Variants in C12orf56 observed in about 807,000 individuals in gnomAD.
C12orf56 encodes chromosome 12 open reading frame 56.
Under a neutral mutation model 69.9 loss-of-function variants are expected in C12orf56, and 71 were observed. The observed-to-expected ratio is 1.02, with a 90% CI of 0.84 to 1.24. The LOEUF is 1.24. Among genes scored for constraint, C12orf56 ranks in the 50% most tolerant of loss-of-function variants. The pLI, the probability that C12orf56 is intolerant of heterozygous loss-of-function variation, is 0.00. For missense variants in C12orf56, 732 were observed against 738.5 expected (o/e 0.99, Z 0.10); for synonymous variants, 276 against 274.1 (o/e 1.01, Z -0.07).
In C12orf56 at chr12:64,368,987, G is replaced by A. The variant is rs577647856; in HGVS notation, c.253-15931C>T. On this transcript the variant is annotated intron_variant, in intron 1 of 12. Coordinates refer to ENST00000543942, the MANE Select transcript of C12orf56 (RefSeq NM_001170633.2). Reference sequence around the variant, plus strand: ...CTTCAGGCTGAAATAAAAGAACTTAGGGAGTAACTTGAATGCAAATCAAGA... The same window carrying A: ...CTTCAGGCTGAAATAAAAGAACTTAAGGAGTAACTTGAATGCAAATCAAGA... Among the ~76,000 whole-genome samples the A allele has an allele frequency of 2.6e-5, 4 of 152,140 alleles. No homozygotes were observed. In the East Asian group the frequency reaches 7.7e-4, roughly 29 times the overall value.
At chr12:64,303,133 G>T (rs2038468519) in intron 6 of C12orf56, among the ~76,000 whole-genome samples, 1 of 151,890 alleles carries the variant, frequency 6.6e-6, no homozygotes, top group Non-Finnish European at 1.5e-5. Context: ...AATTAGCTGG[G>T]CGTGGTAGTG....
Position 64,350,757 on chromosome 12 carries a change from CAG to C in C12orf56, c.415+2135_415+2136del, listed in dbSNP as rs371147954. ...GTCTTATCTGAGATTCCTTGTGGAACAGAGTTTCATCAAAACCAATCTAAAAA... is the reference window on the plus strand; with the variant it reads ...GTCTTATCTGAGATTCCTTGTGGAACAGTTTCATCAAAACCAATCTAAAAA... On this transcript the variant is annotated intron_variant, in intron 2 of 12. Coordinates refer to ENST00000543942, the MANE Select transcript of C12orf56 (RefSeq NM_001170633.2). Among the ~76,000 whole-genome samples, 325 of 152,296 alleles carry C rather than the reference CAG, an allele frequency of 2.1e-3. 1 individual carries two copies. The highest frequency in any genetic ancestry group is 7.4e-3 in the African/African-American group (309 of 41,556).
chr12:64,302,010 T>C (rs1026627355), intron 6 of C12orf56, among the ~76,000 whole-genome samples: 1 of 152,172 alleles, frequency 6.6e-6, no homozygotes. Flanking sequence ...GAACAAGCAA[T>C]CCCATACAAT....
chr12:64,288,723 A>G (rs1158557089), intron 6 of C12orf56, among the ~76,000 whole-genome samples: 3 of 142,784 alleles, frequency 2.1e-5, no homozygotes, highest in Admixed American at 7.1e-5. Context: ...CTGTTTTGGT[A>G]CCAGTACCAT....
intron 2 of C12orf56, among the ~76,000 whole-genome samples, chr12:64,346,479 C>T (rs1168433062): frequency 6.6e-6 from 1 of 152,176 alleles, no homozygotes; most frequent in Non-Finnish European, 1.5e-5. Context: ...AACTTTGCAT[C>T]CTTCAATTCA....
intron 6 of C12orf56, among the ~76,000 whole-genome samples, chr12:64,296,674 A>G (rs2038369425): frequency 6.6e-6 from 1 of 152,226 alleles, no homozygotes; most frequent in African/African-American, 2.4e-5. Flanking sequence ...TTTTGGGGCC[A>G]AGAGCAGAAT....
chr12:64,279,056 A>G (rs1456069938), intron 8 of C12orf56, among the ~76,000 whole-genome samples: 2 of 152,106 alleles, frequency 1.3e-5, no homozygotes, highest in African/African-American at 4.8e-5. Flanking sequence ...GTTTCTGTTA[A>G]TAATGTACAG....
At chr12:64,350,062 A>C (rs1374588246) in intron 2 of C12orf56, among the ~76,000 whole-genome samples, 1 of 149,934 alleles carries the variant, frequency 6.7e-6, no homozygotes, top group Non-Finnish European at 1.5e-5. Flanking sequence ...ATTGCACTCC[A>C]GCCTGGGTGA....
chr12:64,318,929 A>G lies in C12orf56; in HGVS notation c.540T>C (p.Arg180=). The change falls in exon 4 of 13, where the codon CGT becomes CGC. Residue 180 remains arginine (R), a synonymous_variant. Transcript: ENST00000543942. ...GAAGGGACAGCTTTTTGAGGCCTGG[A>G]CGAGGACAGAGAGTTGAGTCCTTGG... ...TPSKDSTLCP[R]PGLKKLSLHG... is the part of the protein sequence containing the mutation. 1.3e-6 allele frequency: 2 copies of G among 1,536,004 alleles called. No individual in the cohort carries two copies. Among genetic ancestry groups the G allele is most frequent in the Non-Finnish European group, 8.7e-7 (1 of 1,146,350 alleles).
intron 4 of C12orf56, among the ~76,000 whole-genome samples, chr12:64,316,769 G>C (rs1170657518): frequency 6.6e-6 from 1 of 152,178 alleles, no homozygotes; most frequent in Non-Finnish European, 1.5e-5. Context: ...TCATAGGGTT[G>C]TTGTAAAAAT....
At chr12:64,303,912 C>T in intron 5 of C12orf56, 133 bp from the exon 6 acceptor site, 1 of 1,042,046 alleles carries the variant, frequency 9.6e-7, no homozygotes, top group Non-Finnish European at 1.3e-6. Context: ...TTCTCCTAGC[C>T]TTAATACTCA....
intron 5 of C12orf56, among the ~76,000 whole-genome samples, chr12:64,304,789 C>G (rs979810039): frequency 6.6e-6 from 1 of 152,132 alleles, no homozygotes; most frequent in Admixed American, 6.6e-5. Flanking sequence ...GGGGACCGAG[C>G]TGGGAATTAC....
chr12:64,277,287 C>A (rs4763149), intron 9 of C12orf56, among the ~76,000 whole-genome samples: 106,944 of 151,812 alleles, frequency 0.7, 38,812 homozygotes, highest in Non-Finnish European at 0.8. Flanking sequence ...TAAGAGTTAA[C>A]CCTAAAATCT....
chr12:64,355,846 C>T (rs2135954822), intron 1 of C12orf56: 1 of 152,376 alleles, frequency 6.6e-6, no homozygotes, highest in Admixed American at 6.5e-5. Context: ...AATCACCATG[C>T]TTATGAACTT....
chr12:64,380,912 T>A (rs951304891), intron 1 of C12orf56, among the ~76,000 whole-genome samples: 6 of 152,178 alleles, frequency 3.9e-5, no homozygotes, highest in Non-Finnish European at 5.9e-5. Flanking sequence ...CATGTTATAA[T>A]TTAATTTATG....
At chr12:64,297,627 T>C (rs2038384374) in intron 6 of C12orf56, among the ~76,000 whole-genome samples, 1 of 152,178 alleles carries the variant, frequency 6.6e-6, no homozygotes, top group Non-Finnish European at 1.5e-5. Context: ...AATGAGAACA[T>C]GCAGAACATG....
intron 1 of C12orf56, 62 bp downstream of exon 1, chr12:64,390,252 G>A (rs1006112731): frequency 6.6e-7 from 1 of 1,514,912 alleles, no homozygotes; most frequent in African/African-American, 1.4e-5. Flanking sequence ...GCTGGGTTTG[G>A]GGGCCCCAGC....
intron 2 of C12orf56, among the ~76,000 whole-genome samples, chr12:64,352,113 TTTG>T (rs200553074): frequency 2.7e-5 from 2 of 75,044 alleles, no homozygotes; most frequent in East Asian, 4.1e-4. Context: ...TTTTTTTTTT[TTTG>T]TTTTTTTTTT....
chr12:64,387,984 T>C (rs947704939), intron 1 of C12orf56, among the ~76,000 whole-genome samples: 3 of 152,236 alleles, frequency 2.0e-5, no homozygotes, highest in African/African-American at 7.2e-5. Flanking sequence ...GTTTTTTGTT[T>C]TTGAGACAGA....
Sources: gnomAD v4.1 joint callset for allele counts (sites outside exome capture counted in the v4.1 genomes callset) on GRCh38, gnomAD v4.1.1 for gene constraint, MANE v1.5 for transcripts, NCBI Gene and HGNC (gene_info 2026-07-23, HGNC 2026-07-21) for gene names.